COL27A1: variants seen among roughly 807,000 people sequenced by gnomAD.
COL27A1 encodes the protein collagen type XXVII alpha 1 chain.
COL27A1 carries 106 observed loss-of-function variants against 251.3 expected under a neutral mutation model. That is an observed-to-expected ratio of 0.42 (90% CI 0.36 to 0.50). The LOEUF (loss-of-function observed/expected upper bound fraction) is 0.50. Ranked by LOEUF, COL27A1 falls within the 20% of genes least tolerant of loss-of-function variation. COL27A1 has a pLI of 0.00. For synonymous variants in COL27A1, 1,000 were observed against 986.3 expected (o/e 1.01, Z -0.26); for missense variants, 2,325 against 2,522.8 (o/e 0.92, Z 1.68).
rs150882120 is a variant in COL27A1, at chr9:114,252,639, G to A, written c.3080G>A (p.Gly1027Glu). The A allele has an allele frequency of 6.2e-7, 1 of 1,613,796 alleles. No homozygotes were observed. The highest frequency in any genetic ancestry group is 8.5e-7 in the Non-Finnish European group (1 of 1,179,908). ...MGPPGVPGPK[G>E]SMGHPGMPGG... The stretch of plus-strand genomic sequence containing the variant: ...CCCCCAGGCGTGCCTGGACCCAAGG[G>A]GTCGATGGTAAGGAGTAAGTCTGCA... Residue 1027 changes from glycine to glutamate, a missense_variant, in exon 26 of 61, where the codon GGG becomes GAG. Transcript: ENST00000356083.
At chr9:114,166,156 CATCT>C (rs1460928170) in intron 2 of COL27A1, among the ~76,000 whole-genome samples, 1 of 151,810 alleles carries the variant, frequency 6.6e-6, no homozygotes, top group Non-Finnish European at 1.5e-5. Flanking sequence ...TCCGTCCATC[CATCT>C]ACCTGTTCAC....
At chr9:114,196,288 C>T (rs1049341716) in intron 7 of COL27A1, among the ~76,000 whole-genome samples, 19 of 152,184 alleles carry the variant, frequency 1.2e-4, no homozygotes, top group African/African-American at 3.6e-4. Context: ...GGGGCCCAGC[C>T]GCTCCCAGGG....
At chr9:114,161,220 T>C (rs922328207) in intron 1 of COL27A1, among the ~76,000 whole-genome samples, 2 of 152,120 alleles carry the variant, frequency 1.3e-5, no homozygotes, top group African/African-American at 4.8e-5. Context: ...CAACAACATA[T>C]AAAGACTTGA....
chr9:114,245,751 G>A, intron 23 of COL27A1, 115 bp from the exon 24 acceptor site: 1 of 956,566 alleles, frequency 1.0e-6, no homozygotes, highest in Non-Finnish European at 1.7e-6. Context: ...CTGGAGATAA[G>A]ATCCCTGGTT....
intron 4 of COL27A1, among the ~76,000 whole-genome samples, chr9:114,181,969 A>G (rs1318339866): frequency 6.6e-6 from 1 of 152,094 alleles, no homozygotes. Context: ...TGTTGTAGCC[A>G]CAGGAGAGGT....
chr9:114,306,746 G>A (rs1238484487), intron 58 of COL27A1, 58 bp downstream of exon 58: 2 of 1,577,118 alleles, frequency 1.3e-6, no homozygotes, highest in Non-Finnish European at 1.7e-6. Flanking sequence ...TGGGGCAGGT[G>A]GAGTATTTGA....
chr9:114,237,325 G>C (rs1264996840), intron 18 of COL27A1, among the ~76,000 whole-genome samples: 3 of 152,268 alleles, frequency 2.0e-5, no homozygotes, highest in Non-Finnish European at 4.4e-5. Context: ...AGTAACAGCA[G>C]TGGCTGTCAT....
chr9:114,199,978 T>C (rs1158936335), intron 7 of COL27A1, among the ~76,000 whole-genome samples: 1 of 151,890 alleles, frequency 6.6e-6, no homozygotes, highest in Non-Finnish European at 1.5e-5. Context: ...CAGCCTGACA[T>C]CCCCCCAGCT....
chr9:114,217,268 T>C (rs1393267417), intron 12 of COL27A1, among the ~76,000 whole-genome samples: 1 of 152,194 alleles, frequency 6.6e-6, no homozygotes, highest in Non-Finnish European at 1.5e-5. Context: ...TTCCCTCACA[T>C]GGCTGAGGCC....
chr9:114,219,263 C>T (rs1327600278), intron 12 of COL27A1, among the ~76,000 whole-genome samples: 2 of 152,182 alleles, frequency 1.3e-5, no homozygotes, highest in African/African-American at 4.8e-5. Flanking sequence ...CTCATGTTCA[C>T]TGGTGGTGTG....
In COL27A1 at chr9:114,243,498, C is replaced by G. The variant is rs1209694693; in HGVS notation, c.2881-9C>G. 1.9e-6 allele frequency: 3 copies of G among 1,613,742 alleles called. No homozygotes were observed. The highest frequency in any genetic ancestry group is 2.2e-5 in the East Asian group (1 of 44,868). ...CAGCTTCTCCCACTTACCTGTCTCT[C>G]TGTTGCAGGGTCAGCCTGGCAGGAA... On this transcript the variant is annotated splice_polypyrimidine_tract_variant and intron_variant, in intron 22 of 60. Transcript: ENST00000356083.
chr9:114,284,533 T>C (rs1827324675), intron 40 of COL27A1, among the ~76,000 whole-genome samples, 191 bp from the exon 41 acceptor site: 1 of 152,104 alleles, frequency 6.6e-6, no homozygotes, highest in African/African-American at 2.4e-5. Flanking sequence ...CCCTTTGGGG[T>C]GTGTCTGGGA....
chr9:114,169,220 C>G lies in COL27A1; in HGVS notation c.1665C>G (p.Val555=), dbSNP rs1301585833. ...AGPKSSPRKP[V]PLRPGKAARD... ...CCAAGAGCAGCCCCCGGAAGCCTGT[C>G]CCCCTCAGACCTGGGAAGGCAGCCA... is the stretch of plus-strand genomic sequence containing the variant. The change falls in exon 3 of 61, where the codon GTC becomes GTG. Residue 555 remains valine (V), a synonymous_variant. Transcript: ENST00000356083. The G allele has an allele frequency of 6.2e-7, 1 of 1,613,912 alleles. No individual in the cohort carries two copies.
chr9:114,282,313 G>T lies in COL27A1; in HGVS notation c.3754G>T (p.Gly1252Cys), dbSNP rs756515580. ...AAAATCAGGGAAGCAAGGCGAGAAG[G>T]GCCGCACTGGAGCCAAGGTAGGTGT... ...EGKSGKQGEK[G>C]RTGAKGAKGY... Residue 1252 changes from glycine to cysteine, a missense_variant, in exon 38 of 61, where the codon GGC becomes TGC. Gly to Cys is a radical substitution (Grantham distance 159). Coordinates refer to ENST00000356083, the MANE Select transcript of COL27A1 (RefSeq NM_032888.4). The T allele has an allele frequency of 2.5e-6, 4 of 1,614,014 alleles. No individual in the cohort carries two copies. Among genetic ancestry groups the T allele is most frequent in the Non-Finnish European group, 2.5e-6 (3 of 1,180,010 alleles).
intron 44 of COL27A1, 96 bp from the exon 45 acceptor site, chr9:114,289,146 A>AACCC: frequency 1.2e-5 from 14 of 1,126,982 alleles, no homozygotes; most frequent in Non-Finnish European, 1.5e-5. Flanking sequence ...GCACCCCCAA[A>AACCC]CCCCTCCCCA....
intron 3 of COL27A1, among the ~76,000 whole-genome samples, chr9:114,171,941 C>T (rs2808776): frequency 0.25 from 38,622 of 152,066 alleles, 5,148 homozygotes; most frequent in Middle Eastern, 0.4. Flanking sequence ...GCCAAAGGCT[C>T]CCAGCGTGTT....
chr9:114,304,185 T>G (rs888984831), intron 56 of COL27A1, among the ~76,000 whole-genome samples: 31 of 152,172 alleles, frequency 2.0e-4, no homozygotes, highest in Non-Finnish European at 7.3e-5. Context: ...GATAGCCAGA[T>G]GGTGCATTGA....
At chr9:114,245,512 G>A (rs953948439) in intron 23 of COL27A1, among the ~76,000 whole-genome samples, 1 of 152,128 alleles carries the variant, frequency 6.6e-6, no homozygotes, top group Non-Finnish European at 1.5e-5. Context: ...CCTACCTCTG[G>A]CTCACTGTGT....
chr9:114,212,226 C>G (rs980171740), intron 12 of COL27A1, among the ~76,000 whole-genome samples: 2 of 152,346 alleles, frequency 1.3e-5, no homozygotes, highest in East Asian at 3.9e-4. Flanking sequence ...GGAGCAGCAC[C>G]TGATGCTCCC....
Sources: gnomAD v4.1 joint callset for allele counts (sites outside exome capture counted in the v4.1 genomes callset) on GRCh38, gnomAD v4.1.1 for gene constraint, MANE v1.5 for transcripts, NCBI Gene and HGNC (gene_info 2026-07-23, HGNC 2026-07-21) for gene names.